PRELID3A: variants seen among roughly 807,000 people sequenced by gnomAD.
PRELID3A encodes PRELI domain containing 3A, also known as PRELI domain containing protein 3A.
PRELID3A carries 27 observed loss-of-function variants against 23.0 expected under a neutral mutation model. The ratio of observed to expected loss-of-function variants is 1.17; its 90% CI spans 0.87 to 1.62. The LOEUF is 1.62. Among genes scored for constraint, PRELID3A ranks in the 40% most tolerant of loss-of-function variants. PRELID3A has a pLI of 0.00. For missense variants in PRELID3A, 231 were observed against 231.4 expected (o/e 1.00, Z 0.01); for synonymous variants, 87 against 86.4 (o/e 1.01, Z -0.04).
At chr18:12,430,352 GTA>G (rs35711123) in intron 6 of PRELID3A, among the ~76,000 whole-genome samples, 13,053 of 149,488 alleles carry the variant, frequency 0.087, 724 homozygotes, top group East Asian at 0.31. Context: ...TGCGTGGTAT[GTA>G]TATATGTGTG....
At chr18:12,420,542 C>G (rs1047188796) in intron 2 of PRELID3A, 49 bp downstream of exon 2, 3 of 1,443,310 alleles carry the variant, frequency 2.1e-6, no homozygotes, top group Non-Finnish European at 2.7e-6. Context: ...CTCCCCCACT[C>G]CCGCCCCCGC....
chr18:12,428,427 T>C (rs570502942), intron 5 of PRELID3A, among the ~76,000 whole-genome samples: 1 of 152,332 alleles, frequency 6.6e-6, no homozygotes, highest in South Asian at 2.1e-4. Flanking sequence ...CACTCTTCCC[T>C]TTCCTCCCTC....
intron 3 of PRELID3A, among the ~76,000 whole-genome samples, chr18:12,425,464 C>CA (rs1235020532): frequency 0.2 from 18,175 of 93,138 alleles, 1,414 homozygotes; most frequent in African/African-American, 0.23. Flanking sequence ...ACTAAAAATA[C>CA]AAAAAAAAAA....
At position 12,409,307 on chromosome 18, in the gene PRELID3A, C is replaced by T. The variant is rs180886138; in HGVS notation, c.32+1300C>T. The stretch of plus-strand genomic sequence containing the variant: ...TCAGCCTCCTGAGTAGCTGGGACTA[C>T]AGGTGTGGGCCATCACGCCCGGCTA... On this transcript the variant is annotated intron_variant, in intron 1 of 6. Transcript: ENST00000440960. Among the ~76,000 whole-genome samples, 721 of 151,706 alleles carry T rather than the reference C, an allele frequency of 4.8e-3. 2 individuals carry two copies. Among genetic ancestry groups the T allele is most frequent in the Admixed American group, 9.1e-3 (138 of 15,194 alleles).
rs1045554507 is a variant in PRELID3A, at chr18:12,407,937, C to T, written c.-39C>T. The T allele has an allele frequency of 1.5e-5, 19 of 1,286,188 alleles. No homozygotes were observed. Among genetic ancestry groups the T allele is most frequent in the Non-Finnish European group, 1.6e-5 (16 of 1,020,020 alleles). 79.7% of individuals were successfully genotyped at this position (1,286,188 alleles called of 1,614,324 possible). On this transcript the variant is annotated 5_prime_UTR_variant, in exon 1 of 7. Transcript: ENST00000440960. Reference sequence around the variant, plus strand: ...CCGGAGCCGCGCGGCCCGAAGCACCCGGCCCGGATCGCAGAGCCCGCGCCC... The same window carrying T: ...CCGGAGCCGCGCGGCCCGAAGCACCTGGCCCGGATCGCAGAGCCCGCGCCC...
At chr18:12,426,659 G>A (rs2143393140) in intron 3 of PRELID3A, among the ~76,000 whole-genome samples, 1 of 152,020 alleles carries the variant, frequency 6.6e-6, no homozygotes, top group East Asian at 1.9e-4. Context: ...TTCAGAGTCT[G>A]TCCCATCCAG....
Position 12,432,027 on chromosome 18 carries a change from T to C in PRELID3A, c.*911T>C, listed in dbSNP as rs1251294274. 6.6e-6 allele frequency: 1 copy of C among 152,246 alleles called. No individual in the cohort carries two copies. Among genetic ancestry groups the C allele is most frequent in the Non-Finnish European group, 1.5e-5 (1 of 68,050 alleles). The allele number at this position is 152,246 out of a possible 1,614,324, so 9.4% of individuals were successfully genotyped here. A position where few individuals can be genotyped will look rare whatever the true frequency, so the allele number is the denominator to read the frequency against. ...AAATCAAAGTTGTTTAAAACAACAT[T>C]AATTTTAAAAAATACATAAAAGCAA... On this transcript the variant is annotated 3_prime_UTR_variant, in exon 7 of 7. Coordinates refer to ENST00000440960, the MANE Select transcript of PRELID3A (RefSeq NM_001142405.2).
intron 1 of PRELID3A, among the ~76,000 whole-genome samples, chr18:12,416,707 A>G (rs1295740900): frequency 2.1e-5 from 3 of 145,152 alleles, no homozygotes; most frequent in Admixed American, 7.0e-5. Context: ...GTGCAGTGGC[A>G]TGATCTGGGC....
intron 3 of PRELID3A, among the ~76,000 whole-genome samples, chr18:12,425,796 C>T (rs12605067): frequency 0.43 from 64,554 of 151,706 alleles, 15,444 homozygotes; most frequent in Middle Eastern, 0.68. Flanking sequence ...AAAAATTAGC[C>T]GGATGTGGTG....
chr18:12,410,160 A>G (rs1909862035), intron 1 of PRELID3A, among the ~76,000 whole-genome samples: 1 of 152,178 alleles, frequency 6.6e-6, no homozygotes, highest in African/African-American at 2.4e-5. Flanking sequence ...CATGTGGTAG[A>G]GTGTCAGTAT....
Position 12,426,563 on chromosome 18 carries a change from A to AAAAAAAAAAAAGAAAG in PRELID3A, c.292-475_292-474insAAAAAAAAGAAAGAAA, listed in dbSNP as rs67993774. Among the ~76,000 whole-genome samples, 110 of 87,710 alleles carry AAAAAAAAAAAAGAAAG rather than the reference A, an allele frequency of 1.3e-3. 4 individuals are homozygous for AAAAAAAAAAAAGAAAG. The highest frequency in any genetic ancestry group is 1.9e-3 in the Non-Finnish European group (93 of 48,624). The allele number at this position is 87,710 out of a possible 152,430, so 57.5% of individuals were successfully genotyped here. A position where few individuals can be genotyped will look rare whatever the true frequency, so the allele number is the denominator to read the frequency against. On this transcript the variant is annotated intron_variant, in intron 3 of 6. Coordinates refer to ENST00000440960, the MANE Select transcript of PRELID3A (RefSeq NM_001142405.2). ...AGTGAGACTCCATCTCAAAAAAAAA[A>AAAAAAAAAAAAGAAAG]AAAGTATAAATATGTACATAAGGAG...
intron 1 of PRELID3A, among the ~76,000 whole-genome samples, chr18:12,411,043 C>A (rs1909890848): frequency 6.6e-6 from 1 of 151,916 alleles, no homozygotes; most frequent in South Asian, 2.1e-4. Context: ...TTCCTGTGTC[C>A]ACATTGAGAA....
At chr18:12,413,471 A>G (rs1355396116) in intron 1 of PRELID3A, among the ~76,000 whole-genome samples, 5 of 152,318 alleles carry the variant, frequency 3.3e-5, no homozygotes, top group Non-Finnish European at 7.3e-5. Flanking sequence ...CTTTAACCCA[A>G]GTATGACTTG....
intron 1 of PRELID3A, among the ~76,000 whole-genome samples, chr18:12,419,240 C>T (rs1156233967): frequency 6.6e-6 from 1 of 150,654 alleles, no homozygotes; most frequent in African/African-American, 2.4e-5. Flanking sequence ...GCAGGAAAAT[C>T]GCTTGTACCC....
At chr18:12,430,741 GT>G (rs2030558840) in intron 6 of PRELID3A, among the ~76,000 whole-genome samples, 1 of 142,648 alleles carries the variant, frequency 7.0e-6, no homozygotes, top group African/African-American at 2.6e-5. Context: ...ATGTGTATGT[GT>G]GTGGTGTGTG....
In PRELID3A at chr18:12,428,986, C is replaced by T. The variant is rs562341074; in HGVS notation, c.466-364C>T. Among the ~76,000 whole-genome samples, 9 of 152,238 alleles carry T rather than the reference C, an allele frequency of 5.9e-5. No homozygotes were observed. The South Asian group carries it at 1.2e-3, about 21-fold the overall frequency. On this transcript the variant is annotated intron_variant, in intron 5 of 6. Coordinates refer to ENST00000440960, the MANE Select transcript of PRELID3A (RefSeq NM_001142405.2). ...GGTGTTGTGCCTGGAAACAGCGGAG[C>T]GGCCTGAGGGCAGGTGCAGGGGATG... is the stretch of plus-strand genomic sequence containing the variant.
chr18:12,420,550 C>T, intron 2 of PRELID3A, 57 bp downstream of exon 2: 3 of 1,432,284 alleles, frequency 2.1e-6, no homozygotes, highest in Admixed American at 2.6e-5. Context: ...CTCCCGCCCC[C>T]GCCCTCTCCC....
intron 1 of PRELID3A, among the ~76,000 whole-genome samples, chr18:12,409,195 C>G (rs1909832368): frequency 2.9e-5 from 3 of 105,130 alleles, no homozygotes; most frequent in East Asian, 3.5e-4. Context: ...GAGACATAGG[C>G]TCGCTGGGTC....
At chr18:12,426,022 G>T (rs1214001749) in intron 3 of PRELID3A, among the ~76,000 whole-genome samples, 1 of 151,938 alleles carries the variant, frequency 6.6e-6, no homozygotes, top group Non-Finnish European at 1.5e-5. Flanking sequence ...AGATCACGAG[G>T]TCAGGAGATT....
Sources: allele counts gnomAD v4.1 joint callset (sites outside exome capture counted in the v4.1 genomes callset), GRCh38; gene constraint gnomAD v4.1.1; transcripts MANE v1.5; gene names NCBI Gene and HGNC (gene_info 2026-07-23, HGNC 2026-07-21).